The following CDH26 variants were observed in gnomAD, a reference collection of about 807,000 sequenced individuals.
CDH26 encodes the protein cadherin-like protein 26.
A neutral mutation model predicts 90.3 loss-of-function variants in CDH26; 83 were observed. The ratio of observed to expected loss-of-function variants is 0.92; its 90% CI spans 0.77 to 1.10. The LOEUF (loss-of-function observed/expected upper bound fraction) is 1.10. Among genes scored for constraint, CDH26 ranks in the 50% least tolerant of loss-of-function variants. The pLI, the probability that CDH26 is intolerant of heterozygous loss-of-function variation, is 0.00. For missense variants in CDH26, 1,013 were observed against 1,037.6 expected, an observed-to-expected ratio of 0.98 and a Z score of 0.33; for synonymous variants, 397 against 396.3, an observed-to-expected ratio of 1.00 and a Z score of -0.02.
chr20:60,018,744 G>A (rs1367111119), downstream of CDH26, among the ~76,000 whole-genome samples: 1 of 40,710 alleles, frequency 2.5e-5, no homozygotes. Flanking sequence ...TTTGCAGTTG[G>A]GTGGTTTCCT....
rs769371266 is a variant in CDH26, at chr20:60,012,569, C to T, written c.2338C>T (p.Leu780=). 6.2e-7 allele frequency: 1 copy of T among 1,614,124 alleles called. No homozygotes were observed. The highest frequency in any genetic ancestry group is 8.5e-7 in the Non-Finnish European group (1 of 1,179,990). Residue 780 remains leucine (L), a synonymous_variant, in exon 18 of 18, where the codon CTA becomes TTA. Transcript: ENST00000348616. Reference sequence around the variant, plus strand: ...TGTGCTGGAAGATGACCCCGGCTACCTACCTCACGTCTACAGCGAGGAAGG... The same window carrying T: ...TGTGCTGGAAGATGACCCCGGCTACTTACCTCACGTCTACAGCGAGGAAGG... ...ANVLEDDPGY[L]PHVYSEEGEC... is the part of the protein sequence containing the mutation.
intron 7 of CDH26, among the ~76,000 whole-genome samples, chr20:60,024,979 C>G (rs12625328): frequency 6.6e-6 from 1 of 151,964 alleles, no homozygotes; most frequent in Admixed American, 6.5e-5. Flanking sequence ...TCCTCCCTCT[C>G]CCTGCAGGCT....
intron 7 of CDH26, among the ~76,000 whole-genome samples, chr20:60,026,638 G>A (rs959936241): frequency 3.3e-5 from 5 of 152,208 alleles, no homozygotes; most frequent in African/African-American, 1.2e-4. Flanking sequence ...CCTGCATTTG[G>A]TCAAGAACCT....
At chr20:60,008,122 CCT>C (rs1280534486) in intron 17 of CDH26, among the ~76,000 whole-genome samples, 5 of 152,120 alleles carry the variant, frequency 3.3e-5, no homozygotes, top group Admixed American at 6.6e-5. Context: ...AGCAGCTCCT[CCT>C]GTTGCAGGGC....
At chr20:60,009,544 G>C (rs898537827) in intron 17 of CDH26, among the ~76,000 whole-genome samples, 1 of 152,106 alleles carries the variant, frequency 6.6e-6, no homozygotes, top group Non-Finnish European at 1.5e-5. Context: ...TTCCAGCCGC[G>C]GGCCCCCCTC....
chr20:59,972,254 C>A, intron 4 of CDH26, 131 bp downstream of exon 4: 1 of 791,790 alleles, frequency 1.3e-6, no homozygotes. Flanking sequence ...TTGTGACAAG[C>A]TTTACGAGTA....
chr20:59,967,996 TTTCTTTCTTTC>T (rs1273267020), intron 1 of CDH26, among the ~76,000 whole-genome samples: 5 of 137,670 alleles, frequency 3.6e-5, no homozygotes, highest in Admixed American at 7.6e-5. Context: ...TCTTTCTTTC[TTTCTTTCTTTC>T]TTTCTTCCTT....
chr20:59,960,310 G>A (rs143179265), intron 1 of CDH26, among the ~76,000 whole-genome samples: 59 of 152,236 alleles, frequency 3.9e-4, no homozygotes, highest in African/African-American at 1.3e-3. Context: ...CTGAGCCAGT[G>A]GTTGTACCAG....
At chr20:60,008,975 T>C (rs911143754) in intron 17 of CDH26, among the ~76,000 whole-genome samples, 1 of 152,194 alleles carries the variant, frequency 6.6e-6, no homozygotes, top group Non-Finnish European at 1.5e-5. Context: ...AGGTCCTGAC[T>C]GCTGGTGAGG....
intron 9 of CDH26, among the ~76,000 whole-genome samples, chr20:59,990,468 G>A (rs2061514676): frequency 6.6e-6 from 1 of 152,112 alleles, no homozygotes. Flanking sequence ...TGCTTACTTG[G>A]CCTTGGTCCA....
intron 13 of CDH26, among the ~76,000 whole-genome samples, chr20:59,999,180 C>T (rs114435594): frequency 0.011 from 1,732 of 152,248 alleles, 30 homozygotes; most frequent in African/African-American, 0.038. Context: ...ACCTGAGTCC[C>T]TCAGTGAACA....
intron 17 of CDH26, among the ~76,000 whole-genome samples, chr20:60,011,894 T>TG (rs2061848455): frequency 6.6e-6 from 1 of 151,540 alleles, no homozygotes; most frequent in African/African-American, 2.4e-5. Flanking sequence ...CTGTAGGGAG[T>TG]GTCACAGAGA....
downstream of CDH26, among the ~76,000 whole-genome samples, chr20:60,016,620 AT>A (rs2061907664): frequency 6.6e-6 from 1 of 150,692 alleles, no homozygotes; most frequent in African/African-American, 2.5e-5. Flanking sequence ...CTCTTGTCTT[AT>A]TGCTCTGGCT....
intron 7 of CDH26, among the ~76,000 whole-genome samples, chr20:60,026,704 G>T (rs1403040782): frequency 6.6e-6 from 1 of 152,332 alleles, no homozygotes; most frequent in South Asian, 2.1e-4. Context: ...GTGCAGCCTG[G>T]CTGATGCCTT....
intron 7 of CDH26, among the ~76,000 whole-genome samples, chr20:60,029,906 T>A (rs1285666426): frequency 2.0e-5 from 3 of 151,944 alleles, no homozygotes; most frequent in African/African-American, 4.8e-5. Flanking sequence ...CAAGTGTCCT[T>A]ACCACCAAAA....
intron 4 of CDH26, among the ~76,000 whole-genome samples, chr20:59,974,384 T>C (rs957814568): frequency 6.6e-6 from 1 of 152,214 alleles, no homozygotes; most frequent in Non-Finnish European, 1.5e-5. Flanking sequence ...TTTTAAATGA[T>C]GTATTAAGGG....
chr20:60,025,517 G>T (rs979646882), intron 7 of CDH26, among the ~76,000 whole-genome samples: 4 of 152,180 alleles, frequency 2.6e-5, no homozygotes, highest in Non-Finnish European at 5.9e-5. Context: ...TTTGGAAACT[G>T]CCAGAAGTCC....
intron 9 of CDH26, 123 bp downstream of exon 9, chr20:59,989,286 T>C: frequency 7.8e-7 from 1 of 1,281,584 alleles, no homozygotes; most frequent in African/African-American, 1.5e-5. Context: ...CCCAGCGCTT[T>C]GGGAGGCCGA....
In CDH26 at chr20:60,028,843, A is replaced by G. The variant is rs148325588; in HGVS notation, c.948-2388A>G. On this transcript the variant is annotated intron_variant, in intron 7 of 8. Coordinates refer to the CDH26 transcript ENST00000370991. ...ATCCCATTTCTGAGGATATATTCAA[A>G]GAATAGAAATCCGGATCTCAAACAG... 8.5e-5 allele frequency among the ~76,000 whole-genome samples: 13 copies of G among 152,360 alleles called. No homozygotes were observed. In the East Asian group the frequency reaches 2.3e-3, roughly 27 times the overall value.
Sources: allele counts gnomAD v4.1 joint callset (sites outside exome capture counted in the v4.1 genomes callset), GRCh38; gene constraint gnomAD v4.1.1; transcripts MANE v1.5; gene names NCBI Gene and HGNC (gene_info 2026-07-23, HGNC 2026-07-21).